Variants in PGM3 observed in about 807,000 individuals in gnomAD.
PGM3 encodes the protein phosphoglucomutase 3.
Under a neutral mutation model 66.2 loss-of-function variants are expected in PGM3, and 40 were observed. The ratio of observed to expected loss-of-function variants is 0.60; its 90% CI spans 0.47 to 0.79. The LOEUF is 0.79. Among genes scored for constraint, PGM3 ranks in the 30% least tolerant of loss-of-function variants. The probability of loss-of-function intolerance (pLI) is 0.00; values close to 1 mark genes in which losing one functional copy is unlikely to be tolerated. For synonymous variants in PGM3, 191 were observed against 224.2 expected (o/e 0.85, Z 1.32); for missense variants, 537 against 643.4 (o/e 0.83, Z 1.79).
the PGM3 span, chr6:83,153,789 A>G: frequency 2.3e-6 from 3 of 1,281,618 alleles, no homozygotes; most frequent in Non-Finnish European, 3.2e-6. Flanking sequence ...TTTCTATTTC[A>G]TATCTTCATG....
At position 83,175,567 on chromosome 6, in the gene PGM3, C is replaced by T. The variant is rs537108057; in HGVS notation, c.1128+395G>A. Among the ~76,000 whole-genome samples the T allele has an allele frequency of 5.3e-5, 8 of 152,248 alleles. No homozygotes were observed. In the South Asian group the frequency reaches 1.7e-3, roughly 32 times the overall value. The stretch of plus-strand genomic sequence containing the variant: ...GTAAATTGAAACATTTTATGCCTAT[C>T]ACTAGTTACCTTAAATTCATTTTCA... On this transcript the variant is annotated intron_variant, in intron 9 of 12. Transcript: ENST00000513973.
rs140053450 is a variant in PGM3 at position 83,177,350 on chromosome 6, C to T, written c.1030-1290G>A. Reference sequence around the variant, plus strand: ...GTTTTGTCCATGAACCCTGGTAACTCTCCGAGCAAGTAGTGTGGTGCCAAG... The same window carrying T: ...GTTTTGTCCATGAACCCTGGTAACTTTCCGAGCAAGTAGTGTGGTGCCAAG... On this transcript the variant is annotated intron_variant, in intron 8 of 12. Coordinates refer to ENST00000513973, the MANE Select transcript of PGM3 (RefSeq NM_015599.3). Among the ~76,000 whole-genome samples, 601 of 152,194 alleles carry T rather than the reference C, an allele frequency of 3.9e-3. 2 individuals are homozygous for T. Among genetic ancestry groups the T allele is most frequent in the African/African-American group, 0.014 (570 of 41,506 alleles).
chr6:83,191,848 G>A (rs557861888), intron 1 of PGM3, among the ~76,000 whole-genome samples: 204 of 151,708 alleles, frequency 1.3e-3, no homozygotes, highest in Non-Finnish European at 2.6e-3. Flanking sequence ...AAAATTAGTC[G>A]GGCGTGTTAG....
rs1028089463 is a variant in PGM3, at chr6:83,168,313, C to G, written c.*921G>C. On this transcript the variant is annotated 3_prime_UTR_variant, in exon 13 of 13. Transcript: ENST00000513973. Reference sequence around the variant, plus strand: ...TAATTTAAATATTTGTATATAAGAGCAAATGTCTGAATGTGGCCTGAATCA... The same window carrying G: ...TAATTTAAATATTTGTATATAAGAGGAAATGTCTGAATGTGGCCTGAATCA... 7.7e-6 allele frequency: 11 copies of G among 1,425,190 alleles called. No homozygotes were observed. The highest frequency in any genetic ancestry group is 2.5e-5 in the East Asian group (1 of 39,572). 88.3% of individuals were successfully genotyped at this position (1,425,190 alleles called of 1,614,324 possible).
rs890897875 is a variant in PGM3 at position 83,166,967 on chromosome 6, T to C, written c.*2267A>G. 1 of 986,180 alleles carries C rather than the reference T, an allele frequency of 1.0e-6. No individual in the cohort carries two copies. 61.1% of individuals were successfully genotyped at this position (986,180 alleles called of 1,614,324 possible). ...CTTTAGTGTGGAATTGTATCTGTGA[T>C]TCTGCCCAAGTTCAACCAACCTGTT... On this transcript the variant is annotated 3_prime_UTR_variant, in exon 13 of 13. Transcript: ENST00000513973.
Position 83,166,843 on chromosome 6 carries a change from TAGA to T in PGM3, c.*2388_*2390del. On this transcript the variant is annotated 3_prime_UTR_variant, in exon 13 of 13. Coordinates refer to ENST00000513973, the MANE Select transcript of PGM3 (RefSeq NM_015599.3). ...AAAGTTTCTGAGCAACATCTGATCT[TAGA>T]AGGCAAACTCCATTTGTTAATATGA... is the stretch of plus-strand genomic sequence containing the variant. 1 of 1,002,502 alleles carries T rather than the reference TAGA, an allele frequency of 1.0e-6. No individual in the cohort carries two copies. Among genetic ancestry groups the T allele is most frequent in the Non-Finnish European group, 1.2e-6 (1 of 841,810 alleles). 62.1% of individuals were successfully genotyped at this position (1,002,502 alleles called of 1,614,324 possible). A position where few individuals can be genotyped will look rare whatever the true frequency, so the allele number is the denominator to read the frequency against.
downstream of PGM3, among the ~76,000 whole-genome samples, chr6:83,156,877 T>A (rs916121816): frequency 5.3e-5 from 8 of 150,978 alleles, no homozygotes; most frequent in African/African-American, 2.0e-4. Flanking sequence ...CAAAGTATGG[T>A]CCATGGACCA....
downstream of PGM3, among the ~76,000 whole-genome samples, chr6:83,161,852 G>A (rs1310771485): frequency 6.6e-6 from 1 of 152,046 alleles, no homozygotes; most frequent in Non-Finnish European, 1.5e-5. Context: ...ATTCTCAGAT[G>A]TGCACAAAAA....
Position 83,169,265 on chromosome 6 carries a change from C to T in PGM3, c.1598G>A (p.Gly533Glu), listed in dbSNP as rs1277629363. 1 of 1,613,906 alleles carries T rather than the reference C, an allele frequency of 6.2e-7. No individual in the cohort carries two copies. Among genetic ancestry groups the T allele is most frequent in the East Asian group, 2.2e-5 (1 of 44,882 alleles). Reference sequence around the variant, plus strand: ...ACCTGGTTGGGGCCTTTCTCCAATTCCTCCAGCCAGCTGAAATACTGCCAA... The same window carrying T: ...ACCTGGTTGGGGCCTTTCTCCAATTTCTCCAGCCAGCTGAAATACTGCCAA... Reference protein sequence around the residue: ...VSLAVFQLAGGIGERPQPGF With the variant: ...VSLAVFQLAGEIGERPQPGF Residue 533 changes from glycine to glutamate, a missense_variant, in exon 13 of 13, where the codon GGA becomes GAA. Transcript: ENST00000513973.
chr6:83,155,494 G>C, the PGM3 span, among the ~76,000 whole-genome samples: 1 of 151,970 alleles, frequency 6.6e-6, no homozygotes, highest in Non-Finnish European at 1.5e-5. Context: ...CAAAGGTCTT[G>C]GGATGGGAGC....
intron 8 of PGM3, 38 bp downstream of exon 8, chr6:83,178,626 CATGATCTTA>C (rs752920311): frequency 9.8e-7 from 1 of 1,015,696 alleles, no homozygotes; most frequent in Non-Finnish European, 1.6e-6. Context: ...CTCACAGAAA[CATGATCTTA>C]ATTAAGAAAC....
At position 83,181,738 on chromosome 6, in the gene PGM3, T is replaced by C. The variant is rs377090800; in HGVS notation, c.785A>G (p.Gln262Arg). The C allele has an allele frequency of 2.5e-6, 4 of 1,608,626 alleles. No homozygotes were observed. Among genetic ancestry groups the C allele is most frequent in the Non-Finnish European group, 3.4e-6 (4 of 1,177,784 alleles). The change falls in exon 6 of 13, where the codon CAG becomes CGG. Residue 262 changes from glutamine to arginine, a missense_variant and splice_region_variant. Physicochemically the swap from Gln to Arg is conservative, Grantham distance 43 (BLOSUM62 1). Coordinates refer to ENST00000513973, the MANE Select transcript of PGM3 (RefSeq NM_015599.3). Reference sequence around the variant, plus strand: ...TTTGCAGTGCTAGTACGACATACCCTGTGGAGGTTTCTGATGACTTTTCAC... The same window carrying C: ...TTTGCAGTGCTAGTACGACATACCCCGTGGAGGTTTCTGATGACTTTTCAC... ...DFVKSHQKPP[Q>R]GMEIKSNERC...
rs1228539439 is a variant in PGM3, at chr6:83,188,683, A to G, written c.320T>C (p.Ile107Thr). The G allele has an allele frequency of 1.2e-6, 2 of 1,613,970 alleles. No individual in the cohort carries two copies. The highest frequency in any genetic ancestry group is 1.3e-5 in the African/African-American group (1 of 74,920). The change falls in exon 3 of 13, where the codon ATT (isoleucine) becomes ACT (threonine). Residue 107 changes from isoleucine (I) to threonine (T), a missense_variant. Transcript: ENST00000513973. ...AEEQDMQRVL[I>T]DISEKEAVNL... ...CACAGCTTCTTTCTCGCTGATGTCA[A>G]TAAGCACTCTCTGCATATCTTGTTC...
At chr6:83,176,103 G>T in intron 8 of PGM3, 43 bp from the exon 9 acceptor site, 1 of 1,098,800 alleles carries the variant, frequency 9.1e-7, no homozygotes, top group Non-Finnish European at 1.4e-6. Flanking sequence ...TTACTCAGAT[G>T]TCAAATGTTT....
chr6:83,168,428 G>T lies in PGM3; in HGVS notation c.*806C>A. On this transcript the variant is annotated 3_prime_UTR_variant, in exon 13 of 13. Coordinates refer to ENST00000513973, the MANE Select transcript of PGM3 (RefSeq NM_015599.3). ...AAGTCCATTGTTTTTATTGTCCTGA[G>T]TTGTCTTAAACCTGCAAAATATACA... 8.6e-7 allele frequency: 1 copy of T among 1,156,216 alleles called. No homozygotes were observed. The highest frequency in any genetic ancestry group is 1.1e-6 in the Non-Finnish European group (1 of 938,964). 71.6% of individuals were successfully genotyped at this position (1,156,216 alleles called of 1,614,324 possible).
At chr6:83,158,070 C>T (rs1269971343), downstream of PGM3, among the ~76,000 whole-genome samples, 1 of 152,044 alleles carries the variant, frequency 6.6e-6, no homozygotes, top group Non-Finnish European at 1.5e-5. Flanking sequence ...GAGATCTCAG[C>T]TCACTGCAAG....
chr6:83,189,730 T>C (rs947075380), intron 2 of PGM3, among the ~76,000 whole-genome samples: 1 of 152,196 alleles, frequency 6.6e-6, no homozygotes, highest in African/African-American at 2.4e-5. Flanking sequence ...GGCTAAGATA[T>C]AGAAACAACA....
At chr6:83,159,582 C>T (rs1161122066), downstream of PGM3, among the ~76,000 whole-genome samples, 1 of 152,152 alleles carries the variant, frequency 6.6e-6, no homozygotes, top group South Asian at 2.1e-4. Context: ...GAAGCCACTG[C>T]GCCCAGTCTA....
At chr6:83,190,327 C>A (rs1278102142) in intron 2 of PGM3, among the ~76,000 whole-genome samples, 2 of 152,162 alleles carry the variant, frequency 1.3e-5, no homozygotes, top group Non-Finnish European at 1.5e-5. Flanking sequence ...CTAACTGTCA[C>A]AAAGACTAGA....
Sources: allele counts gnomAD v4.1 joint callset (sites outside exome capture counted in the v4.1 genomes callset), GRCh38; gene constraint gnomAD v4.1.1; transcripts MANE v1.5; gene names NCBI Gene and HGNC (gene_info 2026-07-23, HGNC 2026-07-21).